Variants in KDM4C observed in about 807,000 individuals in gnomAD.
The protein encoded by KDM4C is lysine demethylase 4C, also known as lysine-specific demethylase 4C.
In KDM4C, 81 loss-of-function variants were observed where a neutral mutation model predicts 129.3. The observed-to-expected ratio is 0.63, with a 90% CI of 0.52 to 0.75. The LOEUF is 0.75. KDM4C is among the 30% of genes least tolerant of loss of function. The pLI is 0.00. For missense variants in KDM4C, 1,457 were observed against 1,304.0 expected (o/e 1.12, Z -1.81); for synonymous variants, 573 against 456.1 (o/e 1.26, Z -3.26).
intron 15 of KDM4C, among the ~76,000 whole-genome samples, chr9:7,041,808 G>T (rs1828652268): frequency 6.6e-6 from 1 of 151,964 alleles, no homozygotes; most frequent in Non-Finnish European, 1.5e-5. Flanking sequence ...CTGTTATCTG[G>T]GCGCTGAGGA....
rs547719628 is a variant in KDM4C at position 7,104,727 on chromosome 9, C to T, written c.2610+857C>T. Among the ~76,000 whole-genome samples, 164 of 152,292 alleles carry T rather than the reference C, an allele frequency of 1.1e-3. No homozygotes were observed. In the Middle Eastern group the frequency reaches 0.02, roughly 19 times the overall value. On this transcript the variant is annotated intron_variant, in intron 18 of 21. Coordinates refer to ENST00000381309, the MANE Select transcript of KDM4C (RefSeq NM_015061.6). ...TAGATGCTCAGCTCTGCTAACTTGCCGCACTTTGTTTTCCCTGAGAGACTT... is the reference window on the plus strand; with the variant it reads ...TAGATGCTCAGCTCTGCTAACTTGCTGCACTTTGTTTTCCCTGAGAGACTT...
chr9:7,046,785 T>G, intron 15 of KDM4C, 77 bp from the exon 16 acceptor site: 5 of 970,680 alleles, frequency 5.2e-6, no homozygotes, highest in Non-Finnish European at 6.7e-6. Context: ...TCAGGATCTC[T>G]GAGAATATTT....
intron 17 of KDM4C, among the ~76,000 whole-genome samples, chr9:7,090,696 A>G (rs371822380): frequency 6.6e-6 from 1 of 152,186 alleles, no homozygotes; most frequent in Admixed American, 6.5e-5. Context: ...CCGTAACACT[A>G]TTTCTACATG....
intron 4 of KDM4C, among the ~76,000 whole-genome samples, chr9:6,847,910 A>T (rs1838148727): frequency 6.6e-6 from 1 of 152,242 alleles, no homozygotes; most frequent in Non-Finnish European, 1.5e-5. Context: ...CACTGATTAG[A>T]AAATCATTTA....
intron 4 of KDM4C, among the ~76,000 whole-genome samples, chr9:6,832,770 C>G (rs1835122189): frequency 7.1e-6 from 1 of 140,108 alleles, no homozygotes; most frequent in Non-Finnish European, 1.5e-5. Context: ...TCTTGTTGCC[C>G]AAGCTAGAGT....
In KDM4C at chr9:6,833,498, A is replaced by G. The variant is rs969193536; in HGVS notation, c.436-16009A>G. Among the ~76,000 whole-genome samples, 5 of 152,178 alleles carry G rather than the reference A, an allele frequency of 3.3e-5. No homozygotes were observed. In the East Asian group the frequency reaches 7.7e-4, roughly 23 times the overall value. On this transcript the variant is annotated intron_variant, in intron 4 of 21. Coordinates refer to ENST00000381309, the MANE Select transcript of KDM4C (RefSeq NM_015061.6). ...TGGCTTCAGAAACAATAGAGCCAGC[A>G]TGGGTTAGAATTTTCATTCTCACCC...
intron 5 of KDM4C, among the ~76,000 whole-genome samples, chr9:6,859,813 C>G (rs957400248): frequency 6.8e-6 from 1 of 146,746 alleles, no homozygotes; most frequent in Non-Finnish European, 1.5e-5. Flanking sequence ...TGTAGCAAGC[C>G]GAGATCGTGC....
At chr9:6,861,096 C>G (rs752992759) in intron 5 of KDM4C, among the ~76,000 whole-genome samples, 6 of 152,212 alleles carry the variant, frequency 3.9e-5, no homozygotes, top group East Asian at 1.9e-4. Context: ...GGACTTGAAA[C>G]TAACACATCT....
intron 4 of KDM4C, among the ~76,000 whole-genome samples, chr9:6,824,388 C>T (rs1266747235): frequency 6.6e-6 from 1 of 152,130 alleles, no homozygotes; most frequent in Non-Finnish European, 1.5e-5. Context: ...GGTCTAGTTA[C>T]AGCAAGAGGC....
At chr9:7,119,086 T>A (rs1376607897) in intron 18 of KDM4C, among the ~76,000 whole-genome samples, 2 of 152,198 alleles carry the variant, frequency 1.3e-5, no homozygotes, top group African/African-American at 2.4e-5. Context: ...ACTTGAGTAT[T>A]TAAGTTAGAT....
At chr9:7,168,001 G>T (rs1263345665) in intron 20 of KDM4C, among the ~76,000 whole-genome samples, 1 of 151,976 alleles carries the variant, frequency 6.6e-6, no homozygotes, top group Non-Finnish European at 1.5e-5. Flanking sequence ...CGCCAACGTG[G>T]TGCAACCCCG....
chr9:7,019,047 T>G (rs1824191059), intron 15 of KDM4C, among the ~76,000 whole-genome samples: 1 of 152,222 alleles, frequency 6.6e-6, no homozygotes, highest in Admixed American at 6.5e-5. Flanking sequence ...CGTATCCATT[T>G]GAGTGTACTT....
At chr9:6,797,414 C>T (rs566562170) in intron 2 of KDM4C, among the ~76,000 whole-genome samples, 43 of 152,274 alleles carry the variant, frequency 2.8e-4, no homozygotes, top group African/African-American at 1.0e-3. Flanking sequence ...TTCTCTTTCC[C>T]ATTTTTTAGA....
chr9:6,900,286 C>T (rs1817170234), intron 8 of KDM4C, among the ~76,000 whole-genome samples: 1 of 152,202 alleles, frequency 6.6e-6, no homozygotes, highest in African/African-American at 2.4e-5. Context: ...CCCCCAATGT[C>T]CTGTACCCTT....
At chr9:6,865,189 T>C (rs1186357235) in intron 5 of KDM4C, among the ~76,000 whole-genome samples, 1 of 152,074 alleles carries the variant, frequency 6.6e-6, no homozygotes. Flanking sequence ...TTTGTATTTT[T>C]AGTAGAGACG....
chr9:6,935,795 T>G (rs1043079377), intron 8 of KDM4C, among the ~76,000 whole-genome samples: 6 of 152,196 alleles, frequency 3.9e-5, no homozygotes, highest in African/African-American at 1.4e-4. Flanking sequence ...TGTGTTGTTA[T>G]TGAACAGCAT....
chr9:6,846,303 G>T (rs955186650), intron 4 of KDM4C, among the ~76,000 whole-genome samples: 7 of 152,096 alleles, frequency 4.6e-5, no homozygotes, highest in African/African-American at 1.7e-4. Flanking sequence ...TGTTCATTTG[G>T]GAATAACATT....
At chr9:6,752,190 G>A (rs1018193615) in intron 1 of KDM4C, among the ~76,000 whole-genome samples, 20 of 150,470 alleles carry the variant, frequency 1.3e-4, no homozygotes, top group African/African-American at 4.9e-4. Context: ...AAAATTAGCC[G>A]GGCATGGTGG....
chr9:6,932,687 T>C (rs1823968276), intron 8 of KDM4C, among the ~76,000 whole-genome samples: 1 of 152,210 alleles, frequency 6.6e-6, no homozygotes, highest in South Asian at 2.1e-4. Context: ...TGTGGCCATT[T>C]CTACTCCTTC....
Sources: allele counts gnomAD v4.1 joint callset (sites outside exome capture counted in the v4.1 genomes callset), GRCh38; gene constraint gnomAD v4.1.1; transcripts MANE v1.5; gene names NCBI Gene and HGNC (gene_info 2026-07-23, HGNC 2026-07-21).